Variants in ACTR5 observed in about 807,000 individuals in gnomAD.
ACTR5 encodes actin related protein 5.
In ACTR5, 43 loss-of-function variants were observed where a neutral mutation model predicts 61.2. The ratio of observed to expected loss-of-function variants is 0.70; its 90% CI spans 0.55 to 0.91. The LOEUF (loss-of-function observed/expected upper bound fraction) is 0.91, where lower values mean the gene tolerates loss of function less well. Ranked by LOEUF, ACTR5 falls within the 40% of genes least tolerant of loss-of-function variation. ACTR5 has a pLI of 0.00. For missense variants in ACTR5, 798 were observed against 782.2 expected, an observed-to-expected ratio of 1.02 and a Z score of -0.24; for synonymous variants, 333 against 310.5, an observed-to-expected ratio of 1.07 and a Z score of -0.76.
At chr20:38,753,249 T>G (rs1408426671) in intron 3 of ACTR5, among the ~76,000 whole-genome samples, 6 of 152,152 alleles carry the variant, frequency 3.9e-5, no homozygotes, top group African/African-American at 1.4e-4. Flanking sequence ...TATGATATGA[T>G]TATAAAGAGA....
rs79311400 is a variant in ACTR5, at chr20:38,770,625, G to A, written c.1567-934G>A. Among the ~76,000 whole-genome samples, 563 of 152,188 alleles carry A rather than the reference G, an allele frequency of 3.7e-3. 7 individuals carry two copies. Among genetic ancestry groups the A allele is most frequent in the African/African-American group, 0.013 (542 of 41,510 alleles). On this transcript the variant is annotated intron_variant, in intron 8 of 8. Coordinates refer to ENST00000243903, the MANE Select transcript of ACTR5 (RefSeq NM_024855.4). ...GCATTTTTTATTAGTAATGATGACA[G>A]CTATGCTTTATTGAATACTCTGTAC...
intron 5 of ACTR5, among the ~76,000 whole-genome samples, chr20:38,763,751 AG>A (rs1451680496): frequency 1.3e-5 from 2 of 152,202 alleles, no homozygotes. Context: ...TGCAGATAGC[AG>A]GTGTCCCTCC....
chr20:38,749,132 T>G (rs977989448), intron 1 of ACTR5, among the ~76,000 whole-genome samples: 1 of 152,248 alleles, frequency 6.6e-6, no homozygotes, highest in African/African-American at 2.4e-5. Flanking sequence ...TTTAGGCATT[T>G]GGAGTACATG....
intron 5 of ACTR5, among the ~76,000 whole-genome samples, chr20:38,757,680 C>T (rs148616598): frequency 5.3e-5 from 8 of 151,874 alleles, no homozygotes; most frequent in African/African-American, 7.2e-5. Context: ...GCTGGAGGCT[C>T]GCTCAAGGTT....
intron 5 of ACTR5, among the ~76,000 whole-genome samples, chr20:38,758,108 A>G (rs2084431026): frequency 1.3e-5 from 2 of 152,046 alleles, no homozygotes; most frequent in South Asian, 4.1e-4. Flanking sequence ...AAAAAGGGAA[A>G]AAAAACCAAA....
At chr20:38,755,819 G>A (rs1197708202) in intron 4 of ACTR5, 38 bp from the exon 5 acceptor site, 2 of 1,611,846 alleles carry the variant, frequency 1.2e-6, no homozygotes, top group African/African-American at 1.3e-5. Flanking sequence ...TGGCTTTGAA[G>A]CTACTTTCCT....
At chr20:38,752,399 C>A in intron 3 of ACTR5, 99 bp downstream of exon 3, 2 of 1,310,614 alleles carry the variant, frequency 1.5e-6, no homozygotes, top group South Asian at 1.6e-5. Flanking sequence ...ACTTTTTAAG[C>A]ACCTCCTTCC....
intron 5 of ACTR5, among the ~76,000 whole-genome samples, chr20:38,762,504 A>G (rs928373397): frequency 1.3e-5 from 2 of 152,196 alleles, no homozygotes; most frequent in African/African-American, 2.4e-5. Flanking sequence ...GGGAGTGTCA[A>G]GGTCACATTA....
chr20:38,769,193 T>C (rs946469361), intron 8 of ACTR5, among the ~76,000 whole-genome samples: 1 of 152,212 alleles, frequency 6.6e-6, no homozygotes, highest in Non-Finnish European at 1.5e-5. Flanking sequence ...ATACTCTTTC[T>C]CCTCATCCAG....
At chr20:38,751,481 C>T (rs1186214164) in intron 2 of ACTR5, among the ~76,000 whole-genome samples, 1 of 152,070 alleles carries the variant, frequency 6.6e-6, no homozygotes, top group Non-Finnish European at 1.5e-5. Context: ...GAGAAAATTA[C>T]CTGAAGGCTG....
rs762373580 is a variant in ACTR5 at position 38,765,536 on chromosome 20, C to T, written c.1293+18C>T. ...CTGTTCAGGTTTGACTTCTACAGCC[C>T]AGAACATGCTTATTCTTTGAAGGTG... On this transcript the variant is annotated intron_variant, in intron 6 of 8. Coordinates refer to ENST00000243903, the MANE Select transcript of ACTR5 (RefSeq NM_024855.4). The T allele has an allele frequency of 5.0e-6, 8 of 1,589,418 alleles. No homozygotes were observed. The highest frequency in any genetic ancestry group is 6.9e-6 in the Non-Finnish European group (8 of 1,157,568).
Position 38,771,953 on chromosome 20 carries a change from G to A in ACTR5, c.*137G>A, listed in dbSNP as rs1425812199. ...GGCAGCAAAATGGATTTCTCCTGGG[G>A]AGAACAAAGTTAAGGGACACTGAGA... On this transcript the variant is annotated 3_prime_UTR_variant, in exon 9 of 9. Transcript: ENST00000243903. 1.5e-6 allele frequency: 2 copies of A among 1,298,710 alleles called. No individual in the cohort carries two copies. The highest frequency in any genetic ancestry group is 1.5e-5 in the African/African-American group (1 of 67,352). The allele number at this position is 1,298,710 out of a possible 1,614,324, so 80.4% of individuals were successfully genotyped here.
intron 6 of ACTR5, 50 bp from the exon 7 acceptor site, chr20:38,766,188 A>G (rs1353916120): frequency 6.4e-7 from 1 of 1,571,158 alleles, no homozygotes; most frequent in Middle Eastern, 1.7e-4. Flanking sequence ...AGCAACTGGA[A>G]TGTTTGTCAT....
chr20:38,754,086 A>T (rs553506971), intron 3 of ACTR5, among the ~76,000 whole-genome samples: 3 of 151,890 alleles, frequency 2.0e-5, no homozygotes, highest in Non-Finnish European at 2.9e-5. Context: ...TGTCTTATTT[A>T]TTTCATCTGT....
chr20:38,769,100 C>G (rs899377962), intron 8 of ACTR5, among the ~76,000 whole-genome samples: 1 of 152,182 alleles, frequency 6.6e-6, no homozygotes, highest in Non-Finnish European at 1.5e-5. Flanking sequence ...TCCACCCGCT[C>G]GTCAGCCACA....
chr20:38,748,727 T>C lies in ACTR5; in HGVS notation c.249T>C (p.Ala83=). The part of the protein sequence containing the change: ...RGASGPQVGN[A]LGSLEPLRWM... ...CGTCGGGCCCGCAGGTGGGGAACGCTCTGGGCAGCCTGGAGCCACTGCGCT... is the reference window on the plus strand; with the variant it reads ...CGTCGGGCCCGCAGGTGGGGAACGCCCTGGGCAGCCTGGAGCCACTGCGCT... Residue 83 remains alanine (A), a synonymous_variant, in exon 1 of 9, where the codon GCT becomes GCC. Transcript: ENST00000243903. 1 of 1,566,870 alleles carries C rather than the reference T, an allele frequency of 6.4e-7. No homozygotes were observed. Among genetic ancestry groups the C allele is most frequent in the South Asian group, 1.2e-5 (1 of 86,480 alleles).
At chr20:38,755,701 CAG>C (rs1373571430) in intron 4 of ACTR5, among the ~76,000 whole-genome samples, 154 bp from the exon 5 acceptor site, 7 of 151,960 alleles carry the variant, frequency 4.6e-5, no homozygotes, top group African/African-American at 9.7e-5. Flanking sequence ...AGCCTAGAGA[CAG>C]AGAGGTGGGC....
intron 5 of ACTR5, among the ~76,000 whole-genome samples, chr20:38,765,104 A>G (rs2084477946): frequency 6.6e-6 from 1 of 152,222 alleles, no homozygotes; most frequent in African/African-American, 2.4e-5. Context: ...GCAAGCAGCA[A>G]GTCTTCCACG....
intron 7 of ACTR5, 127 bp from the exon 8 acceptor site, chr20:38,767,336 AT>A (rs879087874): frequency 0.18 from 117,874 of 643,456 alleles, 24 homozygotes; most frequent in East Asian, 0.24. Flanking sequence ...GAAAGTTTTG[AT>A]TTTTTTTTTT....
Sources: allele counts gnomAD v4.1 joint callset (sites outside exome capture counted in the v4.1 genomes callset), GRCh38; gene constraint gnomAD v4.1.1; transcripts MANE v1.5; gene names NCBI Gene and HGNC (gene_info 2026-07-23, HGNC 2026-07-21).